The following MGAT4C variants were observed in gnomAD, a reference collection of about 807,000 sequenced individuals.
MGAT4C encodes the protein alpha-1,3-mannosyl-glycoprotein 4-beta-N-acetylglucosaminyltransferase C.
MGAT4C carries 19 observed loss-of-function variants against 40.1 expected under a neutral mutation model. The observed-to-expected ratio is 0.47, with a 90% confidence interval of 0.33 to 0.70. The LOEUF (loss-of-function observed/expected upper bound fraction) is 0.70, where lower values mean the gene tolerates loss of function less well. Among genes scored for constraint, MGAT4C ranks in the 30% least tolerant of loss-of-function variants. The probability of loss-of-function intolerance (pLI) is 0.02; values close to 1 mark genes in which losing one functional copy is unlikely to be tolerated. For missense variants in MGAT4C, 491 were observed against 563.2 expected (o/e 0.87, Z 1.30); for synonymous variants, 181 against 187.1 (o/e 0.97, Z 0.27).
chr12:86,182,704 T>C (rs1387200365), intron 1 of MGAT4C, among the ~76,000 whole-genome samples: 1 of 152,182 alleles, frequency 6.6e-6, no homozygotes, highest in Non-Finnish European at 1.5e-5. Flanking sequence ...AAGTCAATGA[T>C]AGCTTAGATT....
intron 1 of MGAT4C, among the ~76,000 whole-genome samples, chr12:86,754,815 G>C (rs1051028843): frequency 6.6e-6 from 1 of 152,036 alleles, no homozygotes; most frequent in Non-Finnish European, 1.5e-5. Flanking sequence ...GAGCTGAGAA[G>C]AGTTTTGTCA....
intron 1 of MGAT4C, among the ~76,000 whole-genome samples, chr12:86,227,311 C>T (rs1374950034): frequency 6.6e-6 from 1 of 151,890 alleles, no homozygotes; most frequent in Non-Finnish European, 1.5e-5. Context: ...TGTCTACATA[C>T]TACATGTAGA....
At chr12:86,079,130 G>A (rs953695238) in intron 1 of MGAT4C, among the ~76,000 whole-genome samples, 1 of 152,160 alleles carries the variant, frequency 6.6e-6, no homozygotes, top group Non-Finnish European at 1.5e-5. Flanking sequence ...ATTAATGTTG[G>A]TGTAGTGGTG....
intron 1 of MGAT4C, among the ~76,000 whole-genome samples, chr12:86,759,029 C>A (rs1951354134): frequency 6.6e-6 from 1 of 152,066 alleles, no homozygotes; most frequent in African/African-American, 2.4e-5. Context: ...GACAATCTCT[C>A]ATCATCCTCC....
chr12:86,755,423 T>G (rs1365865338), intron 1 of MGAT4C, among the ~76,000 whole-genome samples: 2 of 152,178 alleles, frequency 1.3e-5, no homozygotes, highest in African/African-American at 4.8e-5. Context: ...TAATATAATA[T>G]GCACTGATTT....
At chr12:86,129,229 TG>T (rs1566023819) in intron 1 of MGAT4C, among the ~76,000 whole-genome samples, 1 of 101,598 alleles carries the variant, frequency 9.8e-6, no homozygotes, top group African/African-American at 3.9e-5. Context: ...TTTCGTGGGG[TG>T]GGGGGAGATC....
chr12:86,267,109 G>A (rs777854397), intron 4 of MGAT4C, among the ~76,000 whole-genome samples: 32 of 150,846 alleles, frequency 2.1e-4, no homozygotes, highest in Non-Finnish European at 3.5e-4. Context: ...CATTTAGATC[G>A]GCTCTGACTT....
chr12:86,514,067 AACACACACACACACACACAC>A (rs71078908), intron 2 of MGAT4C, among the ~76,000 whole-genome samples: 2 of 133,932 alleles, frequency 1.5e-5, no homozygotes, highest in Admixed American at 7.6e-5. Flanking sequence ...GCCATGCACC[AACACACACACACACACACAC>A]ACACACACAC....
chr12:86,760,705 G>C (rs763411177), intron 1 of MGAT4C, among the ~76,000 whole-genome samples: 1 of 152,000 alleles, frequency 6.6e-6, no homozygotes, highest in Non-Finnish European at 1.5e-5. Flanking sequence ...AAAGAAAAGG[G>C]GAATTCAATT....
At chr12:86,220,623 G>C (rs1226078791) in intron 1 of MGAT4C, among the ~76,000 whole-genome samples, 2 of 152,058 alleles carry the variant, frequency 1.3e-5, no homozygotes, top group African/African-American at 2.4e-5. Context: ...CCTACCATCT[G>C]TTTTGCCTCT....
intron 2 of MGAT4C, among the ~76,000 whole-genome samples, chr12:86,653,489 T>A (rs1426444509): frequency 6.6e-6 from 1 of 151,960 alleles, no homozygotes; most frequent in Non-Finnish European, 1.5e-5. Flanking sequence ...TAGGGCTTTA[T>A]CCGAATGCTC....
At chr12:86,508,835 T>C (rs1958519408) in intron 2 of MGAT4C, among the ~76,000 whole-genome samples, 2 of 149,798 alleles carry the variant, frequency 1.3e-5, no homozygotes, top group East Asian at 2.0e-4. Context: ...TTTCATGTGT[T>C]TTTTGGCTGC....
At chr12:86,570,775 T>C (rs527264481) in intron 2 of MGAT4C, among the ~76,000 whole-genome samples, 1 of 152,258 alleles carries the variant, frequency 6.6e-6, no homozygotes, top group East Asian at 1.9e-4. Context: ...GCCGTGTCCA[T>C]CTATTACCCC....
At chr12:86,719,473 T>G (rs1003967683) in intron 2 of MGAT4C, among the ~76,000 whole-genome samples, 1 of 152,096 alleles carries the variant, frequency 6.6e-6, no homozygotes, top group African/African-American at 2.4e-5. Context: ...TCAAAATAGG[T>G]AAGATGGGAG....
chr12:86,220,856 T>C (rs1456403906), intron 1 of MGAT4C, among the ~76,000 whole-genome samples: 1 of 152,172 alleles, frequency 6.6e-6, no homozygotes, highest in Non-Finnish European at 1.5e-5. Context: ...ACTCTGCTTG[T>C]AGGATGCTTC....
intron 4 of MGAT4C, among the ~76,000 whole-genome samples, chr12:86,275,286 T>C (rs1276164527): frequency 6.6e-6 from 1 of 152,194 alleles, no homozygotes; most frequent in Non-Finnish European, 1.5e-5. Flanking sequence ...GTCATTCAGA[T>C]AAAGGTTCCA....
rs181530079 is a variant in MGAT4C at position 86,476,586 on chromosome 12, C to T, written c.-228-41321G>A. Among the ~76,000 whole-genome samples the T allele has an allele frequency of 3.1e-3, 470 of 151,478 alleles. 4 individuals are homozygous for T. Among genetic ancestry groups the T allele is most frequent in the African/African-American group, 0.011 (454 of 41,260 alleles). ...GCCATCCCACTCCTGGGTTTATATACCCAAAGGAAAAAAAAAATTTATCAA... is the reference window on the plus strand; with the variant it reads ...GCCATCCCACTCCTGGGTTTATATATCCAAAGGAAAAAAAAAATTTATCAA... On this transcript the variant is annotated intron_variant, in intron 2 of 7. Coordinates refer to the MGAT4C transcript ENST00000548651.
rs12316497 is a variant in MGAT4C, at chr12:86,477,578, G to A, written c.-228-42313C>T. On this transcript the variant is annotated intron_variant, in intron 2 of 7. Coordinates refer to the MGAT4C transcript ENST00000548651. ...GAAAGAAAAACGCAGATAAAAAAAT[G>A]TCCTTTTTCTCTTTATATATATATA... Among the ~76,000 whole-genome samples, 1,230 of 151,930 alleles carry A rather than the reference G, an allele frequency of 8.1e-3. 23 individuals carry two copies. The highest frequency in any genetic ancestry group is 0.029 in the African/African-American group (1,181 of 41,412).
At chr12:86,431,250 C>T (rs1467737392) in intron 3 of MGAT4C, among the ~76,000 whole-genome samples, 1 of 152,110 alleles carries the variant, frequency 6.6e-6, no homozygotes, top group East Asian at 1.9e-4. Context: ...GTGGTCCCAC[C>T]AAGATCCACT....
Sources: allele counts gnomAD v4.1 joint callset (sites outside exome capture counted in the v4.1 genomes callset), GRCh38; gene constraint gnomAD v4.1.1; transcripts MANE v1.5; gene names NCBI Gene and HGNC (gene_info 2026-07-23, HGNC 2026-07-21).